The following RPS6KC1 variants were observed in gnomAD, a reference collection of about 807,000 sequenced individuals.
The protein encoded by RPS6KC1 is inactive ribosomal protein S6 kinase delta-1.
Under a neutral mutation model 103.8 loss-of-function variants are expected in RPS6KC1, and 54 were observed. The ratio of observed to expected loss-of-function variants is 0.52; its 90% CI spans 0.42 to 0.65. RPS6KC1 has a LOEUF of 0.65. Among genes scored for constraint, RPS6KC1 ranks in the 30% least tolerant of loss-of-function variants. The probability of loss-of-function intolerance (pLI) is 0.00; values close to 1 mark genes in which losing one functional copy is unlikely to be tolerated. For missense variants in RPS6KC1, 1,151 were observed against 1,253.8 expected (o/e 0.92, Z 1.24); for synonymous variants, 439 against 438.7 (o/e 1.00, Z -0.01).
At chr1:213,540,685 C>T in the RPS6KC1 span, among the ~76,000 whole-genome samples, 2 of 152,182 alleles carry the variant, frequency 1.3e-5, no homozygotes, top group Non-Finnish European at 2.9e-5. Flanking sequence ...ATGAAGTTTT[C>T]CACATCAGTG....
chr1:213,854,406 A>G, the RPS6KC1 span, among the ~76,000 whole-genome samples: 1 of 151,844 alleles, frequency 6.6e-6, no homozygotes, highest in African/African-American at 2.4e-5. Flanking sequence ...AGTTTCTATG[A>G]CTCCATTTGG....
chr1:213,195,846 G>GTGTGTGTGTGTA (rs553713944), intron 8 of RPS6KC1, among the ~76,000 whole-genome samples: 138 of 150,940 alleles, frequency 9.1e-4, no homozygotes, highest in African/African-American at 3.2e-3. Context: ...GTGTGTGTGT[G>GTGTGTGTGTGTA]TATATATATA....
intron 12 of RPS6KC1, among the ~76,000 whole-genome samples, chr1:213,251,404 C>G (rs1390084642): frequency 6.6e-6 from 1 of 152,176 alleles, no homozygotes; most frequent in Non-Finnish European, 1.5e-5. Context: ...CCGTTCCCAG[C>G]CCAGCTTTCT....
At chr1:213,401,533 C>T in the RPS6KC1 span, among the ~76,000 whole-genome samples, 2 of 152,144 alleles carry the variant, frequency 1.3e-5, no homozygotes, top group African/African-American at 4.8e-5. Context: ...TTTCACGGAA[C>T]CTGAAGATGG....
At chr1:213,441,990 A>G in the RPS6KC1 span, among the ~76,000 whole-genome samples, 4 of 152,320 alleles carry the variant, frequency 2.6e-5, no homozygotes, top group African/African-American at 7.2e-5. Context: ...TCAATTTTCA[A>G]TTTAAAAAGA....
rs1291862373 is a variant in RPS6KC1 at position 213,051,343 on chromosome 1, G to GCGGCGC, written c.-58_-53dup. On this transcript the variant is annotated 5_prime_UTR_variant, in exon 1 of 15. Coordinates refer to ENST00000366960, the MANE Select transcript of RPS6KC1 (RefSeq NM_012424.6). ...GCTGCGTTGGGGAACCTGGACCGCG[G>GCGGCGC]CGGCGCCGGGTTTCCCTCATGATCC... The GCGGCGC allele has an allele frequency of 7.5e-7, 1 of 1,334,846 alleles. No individual in the cohort carries two copies. The highest frequency in any genetic ancestry group is 1.5e-5 in the African/African-American group (1 of 68,864). The allele number at this position is 1,334,846 out of a possible 1,614,324, so 82.7% of individuals were successfully genotyped here. A position where few individuals can be genotyped will look rare whatever the true frequency, so the allele number is the denominator to read the frequency against.
At chr1:213,633,307 G>C in the RPS6KC1 span, among the ~76,000 whole-genome samples, 6 of 152,046 alleles carry the variant, frequency 3.9e-5, no homozygotes, top group East Asian at 1.9e-4. Flanking sequence ...AGAAAGGTCA[G>C]GTTACCCACA....
the RPS6KC1 span, among the ~76,000 whole-genome samples, chr1:213,633,095 G>A: frequency 6.6e-6 from 1 of 152,192 alleles, no homozygotes; most frequent in Non-Finnish European, 1.5e-5. Flanking sequence ...AAGTGACGGG[G>A]AGAATGAAAC....
chr1:213,608,944 G>T, the RPS6KC1 span, among the ~76,000 whole-genome samples: 1 of 151,906 alleles, frequency 6.6e-6, no homozygotes. Context: ...TTCATTTTTA[G>T]GTGTACAAAT....
At chr1:213,426,913 G>A in the RPS6KC1 span, among the ~76,000 whole-genome samples, 1 of 152,276 alleles carries the variant, frequency 6.6e-6, no homozygotes, top group South Asian at 2.1e-4. Context: ...ATGATGACAG[G>A]CCCTCTAGCT....
At chr1:213,853,416 G>A in the RPS6KC1 span, among the ~76,000 whole-genome samples, 1 of 152,136 alleles carries the variant, frequency 6.6e-6, no homozygotes, top group Non-Finnish European at 1.5e-5. Flanking sequence ...TGTCAAATGA[G>A]GATAATAACC....
the RPS6KC1 span, among the ~76,000 whole-genome samples, chr1:213,801,846 G>T: frequency 6.6e-6 from 1 of 152,226 alleles, no homozygotes; most frequent in Admixed American, 6.5e-5. Flanking sequence ...TCACGGTCAG[G>T]AATATTGGGA....
At chr1:213,516,143 G>C in the RPS6KC1 span, among the ~76,000 whole-genome samples, 35 of 152,280 alleles carry the variant, frequency 2.3e-4, no homozygotes, top group Admixed American at 8.5e-4. Context: ...AGATGATGGG[G>C]TTTTCTAGAT....
chr1:213,167,156 G>C (rs1180663378), intron 6 of RPS6KC1, among the ~76,000 whole-genome samples: 1 of 152,118 alleles, frequency 6.6e-6, no homozygotes, highest in Non-Finnish European at 1.5e-5. Flanking sequence ...TGGCTAAATG[G>C]ACCTTGGTGA....
At chr1:213,210,694 A>T (rs2148666084) in intron 8 of RPS6KC1, among the ~76,000 whole-genome samples, 1 of 152,374 alleles carries the variant, frequency 6.6e-6, no homozygotes, top group Non-Finnish European at 1.5e-5. Context: ...GTTAAATTTT[A>T]ATCAATACCA....
At chr1:213,329,506 C>A in the RPS6KC1 span, among the ~76,000 whole-genome samples, 1 of 152,010 alleles carries the variant, frequency 6.6e-6, no homozygotes, top group Non-Finnish European at 1.5e-5. Flanking sequence ...AGGAAGCCAG[C>A]AGGCAGAATG....
the RPS6KC1 span, among the ~76,000 whole-genome samples, chr1:213,449,573 C>T: frequency 5.3e-5 from 8 of 152,154 alleles, no homozygotes; most frequent in Non-Finnish European, 8.8e-5. Context: ...CCTTAATTAC[C>T]TCTTTAACGG....
chr1:213,160,950 A>G (rs1451596991), intron 6 of RPS6KC1, among the ~76,000 whole-genome samples: 2 of 152,032 alleles, frequency 1.3e-5, no homozygotes, highest in Non-Finnish European at 2.9e-5. Flanking sequence ...ATACATATGT[A>G]ACAGATCTGC....
At chr1:213,717,707 G>A in the RPS6KC1 span, among the ~76,000 whole-genome samples, 2 of 152,178 alleles carry the variant, frequency 1.3e-5, no homozygotes, top group African/African-American at 4.8e-5. Flanking sequence ...TTTCTGCATG[G>A]TATTTTCTGA....
Sources: gnomAD v4.1 joint callset for allele counts (sites outside exome capture counted in the v4.1 genomes callset) on GRCh38, gnomAD v4.1.1 for gene constraint, MANE v1.5 for transcripts, NCBI Gene and HGNC (gene_info 2026-07-23, HGNC 2026-07-21) for gene names.